Variants in FGF12 observed in about 807,000 individuals in gnomAD.
FGF12 encodes the protein fibroblast growth factor 12B.
In FGF12, 14 loss-of-function variants were observed where a neutral mutation model predicts 23.6. The observed-to-expected ratio is 0.59, with a 90% confidence interval of 0.39 to 0.93. The LOEUF is 0.93. Among genes scored for constraint, FGF12 ranks in the 40% least tolerant of loss-of-function variants. The pLI, the probability that FGF12 is intolerant of heterozygous loss-of-function variation, is 0.00. For missense variants in FGF12, 175 were observed against 217.8 expected, an observed-to-expected ratio of 0.80 and a Z score of 1.24; for synonymous variants, 62 against 77.3, an observed-to-expected ratio of 0.80 and a Z score of 1.04.
At chr3:192,658,692 C>T (rs780571402) in intron 2 of FGF12, among the ~76,000 whole-genome samples, 1 of 139,500 alleles carries the variant, frequency 7.2e-6, no homozygotes, top group Non-Finnish European at 1.6e-5. Context: ...ATTTATTTGT[C>T]CAGTGCAATA....
rs566885838 is a variant in FGF12 at position 192,162,127 on chromosome 3, G to A, written c.427+8331C>T. Among the ~76,000 whole-genome samples, 8 of 152,192 alleles carry A rather than the reference G, an allele frequency of 5.3e-5. No individual in the cohort carries two copies. The South Asian group carries it at 1.5e-3, about 28-fold the overall frequency. ...CTCTGTAATTTCCAAGAAGCTGAAA[G>A]GTTAGACTGCTGTGTTAGTTAATGC... is the stretch of plus-strand genomic sequence containing the variant. On this transcript the variant is annotated intron_variant, in intron 5 of 5. Coordinates refer to ENST00000445105, the MANE Select transcript of FGF12 (RefSeq NM_004113.6).
chr3:192,421,733 T>C (rs1228866559), intron 2 of FGF12, among the ~76,000 whole-genome samples: 1 of 151,946 alleles, frequency 6.6e-6, no homozygotes, highest in Non-Finnish European at 1.5e-5. Context: ...GACGGGTTGA[T>C]GGGTGCAGCA....
rs190923507 is a variant in FGF12, at chr3:192,379,842, C to T, written c.14-19304G>A. On this transcript the variant is annotated intron_variant, in intron 2 of 5. Coordinates refer to ENST00000445105, the MANE Select transcript of FGF12 (RefSeq NM_004113.6). ...CTTTGCCATTCACTCCATTACTCAG[C>T]TTTCTAAAGGAGTTGGATCATCAAG... Among the ~76,000 whole-genome samples the T allele has an allele frequency of 6.6e-5, 10 of 152,300 alleles. No homozygotes were observed. The East Asian group carries it at 1.7e-3, about 26-fold the overall frequency.
chr3:192,544,265 T>A (rs10451884), intron 2 of FGF12, among the ~76,000 whole-genome samples: 29,886 of 151,980 alleles, frequency 0.2, 3,479 homozygotes, highest in Middle Eastern at 0.38. Flanking sequence ...GGGGGATGGG[T>A]ACTGTTGGCA....
intron 4 of FGF12, among the ~76,000 whole-genome samples, chr3:192,280,731 G>A (rs937945898): frequency 2.6e-5 from 4 of 152,146 alleles, no homozygotes; most frequent in Non-Finnish European, 5.9e-5. Flanking sequence ...TAGTTGAAGA[G>A]CTAGGATGTG....
Position 192,463,007 on chromosome 3 carries a change from C to A in FGF12, c.14-102469G>T, listed in dbSNP as rs374486503. On this transcript the variant is annotated intron_variant, in intron 2 of 5. Coordinates refer to ENST00000445105, the MANE Select transcript of FGF12 (RefSeq NM_004113.6). Reference sequence around the variant, plus strand: ...ATGCTATTGTGTCAAGTGAAAAGAGCAAGCTGGAAAACTGTAGTTATAATA... The same window carrying A: ...ATGCTATTGTGTCAAGTGAAAAGAGAAAGCTGGAAAACTGTAGTTATAATA... 2.0e-3 allele frequency among the ~76,000 whole-genome samples: 299 copies of A among 152,176 alleles called. 1 individual carries two copies. Among genetic ancestry groups the A allele is most frequent in the Middle Eastern group, 3.4e-3 (1 of 294 alleles).
At chr3:192,499,335 T>C (rs952559753) in intron 2 of FGF12, among the ~76,000 whole-genome samples, 1 of 150,956 alleles carries the variant, frequency 6.6e-6, no homozygotes, top group Non-Finnish European at 1.5e-5. Flanking sequence ...AGTCTACAAA[T>C]CCCAAGTGTA....
intron 2 of FGF12, among the ~76,000 whole-genome samples, chr3:192,387,253 A>G (rs1256753798): frequency 6.6e-6 from 1 of 152,146 alleles, no homozygotes; most frequent in Non-Finnish European, 1.5e-5. Flanking sequence ...GAAGAATTCA[A>G]ATGACACCTC....
intron 2 of FGF12, among the ~76,000 whole-genome samples, chr3:192,633,551 C>G (rs575525293): frequency 6.6e-6 from 1 of 152,138 alleles, no homozygotes; most frequent in South Asian, 2.1e-4. Flanking sequence ...AAGACCACAA[C>G]AAAAGTATAT....
chr3:192,464,457 T>C (rs1354723951), intron 2 of FGF12, among the ~76,000 whole-genome samples: 2 of 151,912 alleles, frequency 1.3e-5, no homozygotes, highest in Admixed American at 6.6e-5. Context: ...TTGCTGTGAA[T>C]GCCATTATTT....
At chr3:192,227,646 G>T (rs1012654064) in intron 4 of FGF12, among the ~76,000 whole-genome samples, 1 of 150,894 alleles carries the variant, frequency 6.6e-6, no homozygotes, top group Non-Finnish European at 1.5e-5. Flanking sequence ...TGAGCAAGAG[G>T]TAACTAGTAA....
chr3:192,452,766 T>C (rs1314127730), intron 2 of FGF12, among the ~76,000 whole-genome samples: 1 of 152,156 alleles, frequency 6.6e-6, no homozygotes, highest in Admixed American at 6.5e-5. Flanking sequence ...GTCTTTCAGC[T>C]TCCATTTTTT....
chr3:192,604,867 T>C (rs1277046257), intron 2 of FGF12, among the ~76,000 whole-genome samples: 1 of 152,046 alleles, frequency 6.6e-6, no homozygotes. Context: ...TATAGACCAA[T>C]GGAACAGAGT....
chr3:192,360,444 G>A lies in FGF12; in HGVS notation c.108C>T (p.Asp36=), dbSNP rs555759767. 47 of 1,611,022 alleles carry A rather than the reference G, an allele frequency of 2.9e-5. No homozygotes were observed. In the South Asian group the frequency reaches 3.7e-4, roughly 13 times the overall value. ...HPDGTIDGTK[D]ENSDYTLFNL... ...GTTTCTTACTGTAGTCGCTGTTTTCGTCCTTGGTCCCATCAATGGTACCAT... is the reference window on the plus strand; with the variant it reads ...GTTTCTTACTGTAGTCGCTGTTTTCATCCTTGGTCCCATCAATGGTACCAT... The change falls in exon 3 of 6, where the codon GAC becomes GAT. Residue 36 remains aspartate, a synonymous_variant. Transcript: ENST00000445105. This position sits in a 1 kb window ranked among gnomAD's most constrained non-coding sequence, Gnocchi z 4.3.
chr3:192,599,449 T>C (rs553068939), intron 2 of FGF12, among the ~76,000 whole-genome samples: 3 of 152,124 alleles, frequency 2.0e-5, no homozygotes, highest in African/African-American at 7.2e-5. Flanking sequence ...AAATGTTACC[T>C]ACCTCAGAAG....
chr3:192,674,440 T>C (rs867610236), intron 2 of FGF12, among the ~76,000 whole-genome samples: 8 of 152,268 alleles, frequency 5.3e-5, no homozygotes, highest in Non-Finnish European at 1.0e-4. Flanking sequence ...GAATAGTATG[T>C]TAGAAAGAAA....
At chr3:192,600,810 G>C (rs1318252845) in intron 2 of FGF12, among the ~76,000 whole-genome samples, 1 of 152,014 alleles carries the variant, frequency 6.6e-6, no homozygotes, top group African/African-American at 2.4e-5. Context: ...AATGCTGGCA[G>C]GGATGCAGAA....
At chr3:192,619,399 T>C (rs148945695) in intron 2 of FGF12, among the ~76,000 whole-genome samples, 1 of 152,264 alleles carries the variant, frequency 6.6e-6, no homozygotes, top group African/African-American at 2.4e-5. Context: ...GACTAGTGCG[T>C]ATAGCAGGAA....
At chr3:192,372,270 G>A (rs1441853945) in intron 2 of FGF12, among the ~76,000 whole-genome samples, 1 of 152,198 alleles carries the variant, frequency 6.6e-6, no homozygotes, top group East Asian at 1.9e-4. Flanking sequence ...GGATATCAGA[G>A]ATCTGTTTAT....
Sources: gnomAD v4.1 joint callset for allele counts (sites outside exome capture counted in the v4.1 genomes callset) on GRCh38, gnomAD v4.1.1 for gene constraint, Gnocchi (gnomAD v3.1) non-coding constraint, MANE v1.5 for transcripts, NCBI Gene and HGNC (gene_info 2026-07-23, HGNC 2026-07-21) for gene names.